The following ITPK1 variants were observed in gnomAD, a reference collection of about 807,000 sequenced individuals.
ITPK1 encodes inositol-tetrakisphosphate 1-kinase.
In ITPK1, 21 loss-of-function variants were observed where a neutral mutation model predicts 45.3. That is an observed-to-expected ratio of 0.46 (90% CI 0.33 to 0.67). The LOEUF is 0.67. Ranked by LOEUF, ITPK1 falls within the 30% of genes least tolerant of loss-of-function variation. ITPK1 has a pLI of 0.02. For synonymous variants in ITPK1, 258 were observed against 253.6 expected (o/e 1.02, Z -0.16); for missense variants, 474 against 573.5 (o/e 0.83, Z 1.77).
intron 3 of ITPK1, among the ~76,000 whole-genome samples, chr14:93,038,718 G>A (rs1889427506): frequency 6.6e-6 from 1 of 152,042 alleles, no homozygotes; most frequent in African/African-American, 2.4e-5. Flanking sequence ...AGTAGAGATG[G>A]GTTTCACCAT....
chr14:93,010,428 C>T (rs551572415), intron 4 of ITPK1, among the ~76,000 whole-genome samples: 13 of 152,334 alleles, frequency 8.5e-5, no homozygotes, highest in South Asian at 6.2e-4. Flanking sequence ...TGGAGGCAGA[C>T]GCAACAGCTC....
intron 5 of ITPK1, among the ~76,000 whole-genome samples, chr14:92,967,721 C>CCATGAAAAGG: frequency 6.6e-6 from 1 of 152,110 alleles, no homozygotes; most frequent in Non-Finnish European, 1.5e-5. Context: ...TATTATTCAG[C>CCATGAAAAGG]CATGAAAAGG....
intron 4 of ITPK1, among the ~76,000 whole-genome samples, chr14:93,015,048 A>ACGGGGGTGAGGCAGGAGCAAATGGCT (rs1888107981): frequency 6.6e-6 from 1 of 152,216 alleles, no homozygotes; most frequent in Admixed American, 6.5e-5. Context: ...TCCGAAGGAG[A>ACGGGGGTGAGGCAGGAGCAAATGGCT]CGGGGGTGAG....
In ITPK1 at chr14:93,075,729, T is replaced by G. The variant is rs184581820; in HGVS notation, c.120+866A>C. 1.3e-3 allele frequency among the ~76,000 whole-genome samples: 191 copies of G among 152,284 alleles called. 2 individuals are homozygous for G. The highest frequency in any genetic ancestry group is 4.4e-3 in the African/African-American group (182 of 41,560). On this transcript the variant is annotated intron_variant, in intron 3 of 10. Transcript: ENST00000267615. ...CCCAGTGGGCTTTTTGAAAGCCCCT[T>G]AGATATTCTAGCAGGGGCCAGCACC...
intron 4 of ITPK1, among the ~76,000 whole-genome samples, chr14:93,005,608 G>A (rs145547180): frequency 1.3e-5 from 2 of 152,300 alleles, no homozygotes; most frequent in Admixed American, 6.5e-5. Flanking sequence ...GCTTCCTAAG[G>A]TGGTGGAAAG....
intron 4 of ITPK1, among the ~76,000 whole-genome samples, chr14:93,000,203 G>T (rs559035625): frequency 6.6e-6 from 1 of 152,306 alleles, no homozygotes; most frequent in East Asian, 1.9e-4. Context: ...ATGCCGCTGT[G>T]AACATACGTG....
At chr14:93,030,848 C>T (rs1422772575) in intron 3 of ITPK1, among the ~76,000 whole-genome samples, 1 of 152,198 alleles carries the variant, frequency 6.6e-6, no homozygotes, top group African/African-American at 2.4e-5. Flanking sequence ...CCCTAGTCCA[C>T]GATGACTGGT....
intron 7 of ITPK1, among the ~76,000 whole-genome samples, chr14:92,961,459 C>T (rs887492978): frequency 1.4e-4 from 22 of 152,158 alleles, no homozygotes; most frequent in African/African-American, 2.7e-4. Context: ...AATGAATGGG[C>T]GGGTGGGTGA....
chr14:93,105,625 G>A (rs1399339674), intron 2 of ITPK1, among the ~76,000 whole-genome samples: 1 of 148,652 alleles, frequency 6.7e-6, no homozygotes, highest in South Asian at 2.1e-4. Context: ...GAGTTCAAGC[G>A]ATTCTCCCAC....
intron 5 of ITPK1, 29 bp downstream of exon 5, chr14:92,993,851 C>T (rs1886910997): frequency 2.1e-6 from 3 of 1,446,494 alleles, no homozygotes; most frequent in African/African-American, 1.4e-5. Context: ...GGCTGCCTGC[C>T]ACGGATGTGG....
intron 4 of ITPK1, among the ~76,000 whole-genome samples, chr14:93,010,398 C>T (rs1320628647): frequency 1.3e-5 from 2 of 152,214 alleles, no homozygotes; most frequent in African/African-American, 2.4e-5. Context: ...AAACGTGAAC[C>T]GCGGCCTTGG....
intron 2 of ITPK1, among the ~76,000 whole-genome samples, chr14:93,091,787 T>C (rs981796074): frequency 3.3e-5 from 5 of 152,082 alleles, no homozygotes; most frequent in East Asian, 1.9e-4. Context: ...CAGCTAGTCA[T>C]AGAAGAGCAA....
chr14:93,114,040 TG>T (rs920905652), intron 2 of ITPK1, among the ~76,000 whole-genome samples: 3 of 152,202 alleles, frequency 2.0e-5, no homozygotes, highest in Admixed American at 6.5e-5. Context: ...CCAAGATGTG[TG>T]GGGCCCCCAC....
chr14:93,085,194 C>T (rs1288697929), intron 2 of ITPK1, among the ~76,000 whole-genome samples: 1 of 152,252 alleles, frequency 6.6e-6, no homozygotes, highest in Non-Finnish European at 1.5e-5. Context: ...GATATAAAGA[C>T]AACATACGAA....
intron 4 of ITPK1, among the ~76,000 whole-genome samples, chr14:93,000,974 TAAAAAAAA>T (rs201265189): frequency 3.5e-4 from 29 of 81,964 alleles, no homozygotes; most frequent in African/African-American, 1.5e-3. Context: ...AGACTCCAAC[TAAAAAAAA>T]AAAAAAAAAA....
At chr14:93,103,186 T>G (rs8013691) in intron 2 of ITPK1, among the ~76,000 whole-genome samples, 40,156 of 150,372 alleles carry the variant, frequency 0.27, 6,162 homozygotes, top group African/African-American at 0.44. Flanking sequence ...CCCAGCACTT[T>G]GGGAGGCTGA....
chr14:92,942,176 T>TTGTCCCTGTTCCTCTCAGGCA (rs1887464067), intron 10 of ITPK1, among the ~76,000 whole-genome samples: 1 of 152,180 alleles, frequency 6.6e-6, no homozygotes, highest in Admixed American at 6.5e-5. Context: ...TGAAACTTGC[T>TTGTCCCTGTTCCTCTCAGGCA]TGTCCCTGTT....
At chr14:93,009,239 T>C (rs1392206226) in intron 4 of ITPK1, among the ~76,000 whole-genome samples, 1 of 152,220 alleles carries the variant, frequency 6.6e-6, no homozygotes, top group Non-Finnish European at 1.5e-5. Context: ...GCATAAAAGT[T>C]ATTTCTAAAA....
chr14:93,114,690 G>A (rs912204085), intron 2 of ITPK1, among the ~76,000 whole-genome samples: 2 of 152,146 alleles, frequency 1.3e-5, no homozygotes, highest in African/African-American at 4.8e-5. Flanking sequence ...GGGGACGAAG[G>A]AAGAAAAACA....
Sources: allele counts gnomAD v4.1 joint callset (sites outside exome capture counted in the v4.1 genomes callset), GRCh38; gene constraint gnomAD v4.1.1; transcripts MANE v1.5; gene names NCBI Gene and HGNC (gene_info 2026-07-23, HGNC 2026-07-21).